Variants in HSPA12A observed in about 807,000 individuals in gnomAD.
HSPA12A encodes the protein heat shock 70 kDa protein 12A.
HSPA12A carries 28 observed loss-of-function variants against 69.2 expected under a neutral mutation model. The observed-to-expected ratio is 0.40, with a 90% CI of 0.30 to 0.55. HSPA12A has a LOEUF of 0.55. Among genes scored for constraint, HSPA12A ranks in the 20% least tolerant of loss-of-function variants. The pLI is 0.38. For missense variants in HSPA12A, 686 were observed against 900.7 expected, an observed-to-expected ratio of 0.76 and a Z score of 3.05; for synonymous variants, 345 against 370.5, an observed-to-expected ratio of 0.93 and a Z score of 0.79.
Position 116,675,480 on chromosome 10 carries a change from G to A in HSPA12A, c.1391-62C>T, listed in dbSNP as rs1849208821. The A allele has an allele frequency of 6.8e-7, 1 of 1,479,004 alleles. No homozygotes were observed. The highest frequency in any genetic ancestry group is 1.4e-5 in the South Asian group (1 of 73,048). The allele number at this position is 1,479,004 out of a possible 1,614,324, so 91.6% of individuals were successfully genotyped here. A position where few individuals can be genotyped will look rare whatever the true frequency, so the allele number is the denominator to read the frequency against. ...AAAAGCCAGCAAGGAAGGGGGAACT[G>A]GGCTGCCTGCATCTGTGGGGAACGG... On this transcript the variant is annotated intron_variant, in intron 11 of 11. Coordinates refer to ENST00000369209, the MANE Select transcript of HSPA12A (RefSeq NM_025015.3). The surrounding 1 kb of genome is among the most constrained non-coding windows in gnomAD (Gnocchi z 5.2).
At chr10:116,733,581 T>A (rs1464735303) in intron 1 of HSPA12A, among the ~76,000 whole-genome samples, 1 of 152,180 alleles carries the variant, frequency 6.6e-6, no homozygotes, top group Admixed American at 6.5e-5. Flanking sequence ...AAACAGGAGC[T>A]CCATCCTACA....
At position 116,692,433 on chromosome 10, in the gene HSPA12A, T is replaced by A; in HGVS notation, c.581A>T (p.Asn194Ile). The change falls in exon 6 of 12, where the codon AAC (asparagine) becomes ATC (isoleucine). Residue 194 changes from asparagine (N) to isoleucine (I), a missense_variant. Physicochemically the swap from Asn to Ile is moderately radical, Grantham distance 149. Coordinates refer to ENST00000369209, the MANE Select transcript of HSPA12A (RefSeq NM_025015.3). ...CGTGATGACCCATCTGACATCAGAG[T>A]TCTCGAACTCCGAACCCGCCTGGTC... ...LSDQAGSEFE[N>I]SDVRWVITVP... is the part of the protein sequence containing the mutation. 6.2e-7 allele frequency: 1 copy of A among 1,613,992 alleles called. No homozygotes were observed. Among genetic ancestry groups the A allele is most frequent in the Non-Finnish European group, 8.5e-7 (1 of 1,179,996 alleles).
chr10:116,845,328 C>G (rs1845863000), intron 1 of HSPA12A, among the ~76,000 whole-genome samples: 1 of 152,270 alleles, frequency 6.6e-6, no homozygotes. Context: ...ATTCGAAAAG[C>G]TTAGGCAACT....
At chr10:116,715,261 C>T (rs782513009) in intron 1 of HSPA12A, among the ~76,000 whole-genome samples, 2 of 152,128 alleles carry the variant, frequency 1.3e-5, no homozygotes, top group African/African-American at 4.8e-5. Flanking sequence ...CTGACTGCCC[C>T]GGAGACCAAC....
At chr10:116,676,761 G>C (rs1291215643) in intron 10 of HSPA12A, among the ~76,000 whole-genome samples, 1 of 152,334 alleles carries the variant, frequency 6.6e-6, no homozygotes, top group East Asian at 1.9e-4. Context: ...GGAGGCCAAA[G>C]TCTAGTGCAA....
At chr10:116,819,193 G>A (rs1304580311) in intron 2 of HSPA12A, among the ~76,000 whole-genome samples, 1 of 152,136 alleles carries the variant, frequency 6.6e-6, no homozygotes, top group Non-Finnish European at 1.5e-5. Context: ...TTCAGCCTTT[G>A]CTTTCCTTTC....
At chr10:116,711,017 T>TACAAAGGGTCA (rs11268594) in intron 1 of HSPA12A, among the ~76,000 whole-genome samples, 86,677 of 151,702 alleles carry the variant, frequency 0.57, 25,239 homozygotes, top group South Asian at 0.71. Context: ...AGAAATAAAA[T>TACAAAGGGTCA]ACAGAATATT....
At position 116,676,428 on chromosome 10, in the gene HSPA12A, G is replaced by A. The variant is rs782777572; in HGVS notation, c.1361C>T (p.Pro454Leu). 41 of 1,613,958 alleles carry A rather than the reference G, an allele frequency of 2.5e-5. 1 individual carries two copies. In the East Asian group the frequency reaches 4.7e-4, roughly 18 times the overall value. ...ATGCTCAATGATGCTATCGATGGTC[G>A]GCTTAAAAAGGGCGTTCATGGCATC... is the stretch of plus-strand genomic sequence containing the variant. ...SPDAMNALFK[P>L]TIDSIIEHLR... is the part of the protein sequence containing the mutation. The change falls in exon 11 of 12, where the codon CCG becomes CTG. Residue 454 changes from proline to leucine, a missense_variant. Physicochemically the swap from Pro to Leu is moderately conservative, Grantham distance 98. Transcript: ENST00000369209.
At chr10:116,716,512 C>T (rs2133012697) in intron 1 of HSPA12A, among the ~76,000 whole-genome samples, 1 of 152,170 alleles carries the variant, frequency 6.6e-6, no homozygotes, top group South Asian at 2.1e-4. Context: ...GGGACAAGGG[C>T]ACTGGGTTTT....
chr10:116,816,839 C>T (rs1483298496), intron 2 of HSPA12A, among the ~76,000 whole-genome samples: 1 of 152,114 alleles, frequency 6.6e-6, no homozygotes, highest in Non-Finnish European at 1.5e-5. Flanking sequence ...GGTTACAAAA[C>T]GCTTCCAACA....
chr10:116,806,783 G>A (rs1210760667), intron 2 of HSPA12A, among the ~76,000 whole-genome samples: 1 of 152,230 alleles, frequency 6.6e-6, no homozygotes, highest in African/African-American at 2.4e-5. Context: ...AGATGTGGAA[G>A]GCTGGTGCAG....
chr10:116,806,498 C>T (rs867394738), intron 2 of HSPA12A, among the ~76,000 whole-genome samples: 11 of 152,318 alleles, frequency 7.2e-5, no homozygotes, highest in South Asian at 2.1e-4. Flanking sequence ...TGAGCCACCT[C>T]ACCTGGCCTA....
At chr10:116,803,320 G>C (rs1363623028) in intron 2 of HSPA12A, among the ~76,000 whole-genome samples, 1 of 151,982 alleles carries the variant, frequency 6.6e-6, no homozygotes, top group Non-Finnish European at 1.5e-5. Flanking sequence ...CGCTGGCATG[G>C]AGCTCACAGG....
chr10:116,710,912 G>A lies in HSPA12A; in HGVS notation c.41-3627C>T, dbSNP rs932224589. On this transcript the variant is annotated intron_variant, in intron 1 of 11. Transcript: ENST00000369209. The surrounding 1 kb of genome is among the most constrained non-coding windows in gnomAD (Gnocchi z 4.1). ...CAAAAATTCTCAGGGGAAAAAAAAC[G>A]GAAAAGCCTATCTCACCCCCTGAGG... is the stretch of plus-strand genomic sequence containing the variant. Among the ~76,000 whole-genome samples the A allele has an allele frequency of 1.3e-5, 2 of 152,114 alleles. No individual in the cohort carries two copies. Among genetic ancestry groups the A allele is most frequent in the South Asian group, 2.1e-4 (1 of 4,814 alleles).
chr10:116,813,245 C>T (rs1437945935), intron 2 of HSPA12A, among the ~76,000 whole-genome samples: 6 of 12,782 alleles, frequency 4.7e-4, no homozygotes, highest in South Asian at 3.8e-3. Flanking sequence ...ATCCAGAGCT[C>T]TATTTTTTTT....
At chr10:116,692,150 C>G (rs1488491300) in intron 6 of HSPA12A, among the ~76,000 whole-genome samples, 1 of 152,178 alleles carries the variant, frequency 6.6e-6, no homozygotes, top group Non-Finnish European at 1.5e-5. Context: ...GTGGGACTGA[C>G]CCCCATGGCT....
chr10:116,705,283 A>G lies in HSPA12A; in HGVS notation c.127-5T>C. On this transcript the variant is annotated splice_polypyrimidine_tract_variant and splice_region_variant and intron_variant, in intron 2 of 11. Transcript: ENST00000369209. Reference sequence around the variant, plus strand: ...GACGTTGGAGTCAGTGTCGTTCTGCAGATATACAGTGAGGCATGGGGGGTG... The same window carrying G: ...GACGTTGGAGTCAGTGTCGTTCTGCGGATATACAGTGAGGCATGGGGGGTG... 1 of 1,614,102 alleles carries G rather than the reference A, an allele frequency of 6.2e-7. No homozygotes were observed. The highest frequency in any genetic ancestry group is 1.1e-5 in the South Asian group (1 of 91,078).
chr10:116,755,636 G>T (rs1554888692), intron 2 of HSPA12A, among the ~76,000 whole-genome samples: 1 of 148,468 alleles, frequency 6.7e-6, no homozygotes, highest in East Asian at 2.0e-4. Context: ...AAAAAAAGGT[G>T]GTGTAGTAAC....
intron 6 of HSPA12A, among the ~76,000 whole-genome samples, chr10:116,684,166 G>A (rs902990211): frequency 1.3e-5 from 2 of 152,156 alleles, no homozygotes; most frequent in South Asian, 2.1e-4. Context: ...ACCCCAGGGT[G>A]GCCAAAGAAA....
Sources: allele counts gnomAD v4.1 joint callset (sites outside exome capture counted in the v4.1 genomes callset), GRCh38; gene constraint gnomAD v4.1.1; non-coding constraint Gnocchi (gnomAD v3.1); transcripts MANE v1.5; gene names NCBI Gene and HGNC (gene_info 2026-07-23, HGNC 2026-07-21).